The following SLC38A1 variants were observed in gnomAD, a reference collection of about 807,000 sequenced individuals.
SLC38A1 encodes sodium-coupled neutral amino acid symporter 1.
In SLC38A1, 18 loss-of-function variants were observed where a neutral mutation model predicts 60.3. The ratio of observed to expected loss-of-function variants is 0.30; its 90% CI spans 0.21 to 0.44. The LOEUF is 0.44. Ranked by LOEUF, SLC38A1 falls within the 20% of genes least tolerant of loss-of-function variation. SLC38A1 has a pLI of 1.00. For missense variants in SLC38A1, 448 were observed against 587.2 expected (o/e 0.76, Z 2.45); for synonymous variants, 196 against 212.1 (o/e 0.92, Z 0.66).
At chr12:46,250,864 C>T (rs1002549492) in intron 1 of SLC38A1, among the ~76,000 whole-genome samples, 26 of 152,236 alleles carry the variant, frequency 1.7e-4, no homozygotes, top group African/African-American at 5.8e-4. Context: ...AATGGACTAA[C>T]ATTCCATGCT....
At chr12:46,254,494 T>TG (rs1295896035) in intron 1 of SLC38A1, among the ~76,000 whole-genome samples, 1 of 152,234 alleles carries the variant, frequency 6.6e-6, no homozygotes, top group Non-Finnish European at 1.5e-5. Context: ...TTCGCTTTGA[T>TG]GGAACTCTGC....
At chr12:46,193,038 A>G (rs2136879839) in intron 16 of SLC38A1, among the ~76,000 whole-genome samples, 1 of 152,254 alleles carries the variant, frequency 6.6e-6, no homozygotes, top group South Asian at 2.1e-4. Context: ...TGTCGATTTT[A>G]GATCTTCCTT....
rs1398642132 is a variant in SLC38A1 at position 46,207,143 on chromosome 12, T to G, written c.563+12A>C. ...TTTTAGTTATATCATAAAAAAATGG[T>G]CTATAACTTACGAAAATGTCTCTTC... On this transcript the variant is annotated intron_variant, in intron 8 of 16. Transcript: ENST00000398637. 2 of 1,572,314 alleles carry G rather than the reference T, an allele frequency of 1.3e-6. No homozygotes were observed. Among genetic ancestry groups the G allele is most frequent in the East Asian group, 4.5e-5 (2 of 44,554 alleles).
In SLC38A1 at chr12:46,229,606, ACTT is replaced by A. The variant is rs780975669; in HGVS notation, c.153_155del (p.Arg51del). ...TTTTTTCCAAATGGCTGTTTGTGAG[ACTT>A]CTTCTACTTTCACGATCAGAAATAA... On this transcript the variant is annotated inframe_deletion, in exon 4 of 17. Transcript: ENST00000398637. The A allele has an allele frequency of 2.7e-5, 44 of 1,613,662 alleles. No homozygotes were observed. Among genetic ancestry groups the A allele is most frequent in the Non-Finnish European group, 3.4e-5 (40 of 1,179,790 alleles).
intron 5 of SLC38A1, among the ~76,000 whole-genome samples, chr12:46,224,891 A>G (rs1216325343): frequency 1.3e-5 from 2 of 152,202 alleles, no homozygotes; most frequent in East Asian, 1.9e-4. Context: ...TCCTTCAACT[A>G]CAAAAGTAAA....
intron 4 of SLC38A1, 103 bp downstream of exon 4, chr12:46,229,461 T>C (rs1302175217): frequency 4.3e-6 from 4 of 926,086 alleles, no homozygotes; most frequent in Admixed American, 1.8e-5. Flanking sequence ...TCCTGGTGAA[T>C]ACAGGTAGTT....
chr12:46,229,068 A>G, intron 5 of SLC38A1, 85 bp downstream of exon 5: 5 of 727,270 alleles, frequency 6.9e-6, no homozygotes, highest in Non-Finnish European at 1.1e-5. Flanking sequence ...CTATTTATAA[A>G]TATTTCACAT....
chr12:46,257,680 A>G (rs1942075400), intron 1 of SLC38A1, among the ~76,000 whole-genome samples: 1 of 151,930 alleles, frequency 6.6e-6, no homozygotes, highest in African/African-American at 2.4e-5. Flanking sequence ...GGCCAGAAAG[A>G]TGTCACAGGA....
chr12:46,253,389 G>A (rs967295837), intron 1 of SLC38A1, among the ~76,000 whole-genome samples: 1 of 152,200 alleles, frequency 6.6e-6, no homozygotes, highest in Non-Finnish European at 1.5e-5. Context: ...CATTTTTATG[G>A]TTATTTGTTG....
intron 5 of SLC38A1, among the ~76,000 whole-genome samples, chr12:46,213,323 CT>C (rs1048146058): frequency 1.1e-4 from 17 of 152,160 alleles, no homozygotes; most frequent in South Asian, 2.1e-4. Flanking sequence ...ATCTTGTGTA[CT>C]TTTTTTGTCT....
At chr12:46,203,921 C>T (rs534961872) in intron 11 of SLC38A1, among the ~76,000 whole-genome samples, 27 of 152,206 alleles carry the variant, frequency 1.8e-4, no homozygotes, top group Admixed American at 6.5e-4. Context: ...TTTTTAAGTG[C>T]CAGTTTGTGG....
At chr12:46,247,767 G>T (rs1240105859) in intron 1 of SLC38A1, among the ~76,000 whole-genome samples, 1 of 152,204 alleles carries the variant, frequency 6.6e-6, no homozygotes, top group Non-Finnish European at 1.5e-5. Flanking sequence ...AGGCAAAAAT[G>T]TTAAGGGCAG....
At chr12:46,263,135 C>CAA (rs1555193232) in intron 1 of SLC38A1, among the ~76,000 whole-genome samples, 2 of 152,184 alleles carry the variant, frequency 1.3e-5, no homozygotes, top group Admixed American at 1.3e-4. Context: ...ACTACACACA[C>CAA]AACAGTCTCT....
intron 13 of SLC38A1, 122 bp from the exon 14 acceptor site, chr12:46,198,865 T>C: frequency 3.0e-6 from 2 of 664,466 alleles, no homozygotes; most frequent in Non-Finnish European, 5.3e-6. Context: ...TTTCGAAATG[T>C]CTATTAAAAC....
chr12:46,207,721 A>G (rs1413875756), intron 6 of SLC38A1, 100 bp from the exon 7 acceptor site: 3 of 1,147,596 alleles, frequency 2.6e-6, no homozygotes, highest in Non-Finnish European at 3.9e-6. Flanking sequence ...CCAAGTTACT[A>G]TGTGCCTTTC....
chr12:46,261,065 C>T (rs1942181561), intron 1 of SLC38A1, among the ~76,000 whole-genome samples: 1 of 152,176 alleles, frequency 6.6e-6, no homozygotes, highest in South Asian at 2.1e-4. Flanking sequence ...TACTCTTATG[C>T]AGTTTTCTGC....
intron 1 of SLC38A1, among the ~76,000 whole-genome samples, chr12:46,265,827 C>G (rs1942332685): frequency 1.3e-5 from 2 of 152,154 alleles, no homozygotes; most frequent in African/African-American, 4.8e-5. Flanking sequence ...ATATGTTGTG[C>G]TTGCATTTTT....
At chr12:46,267,065 G>A (rs1479553328) in intron 1 of SLC38A1, among the ~76,000 whole-genome samples, 1 of 152,166 alleles carries the variant, frequency 6.6e-6, no homozygotes, top group South Asian at 2.1e-4. Flanking sequence ...GAAAAAGCAC[G>A]AGTTGCTGCA....
At chr12:46,238,831 G>A (rs758241198) in intron 3 of SLC38A1, among the ~76,000 whole-genome samples, 14 of 152,118 alleles carry the variant, frequency 9.2e-5, no homozygotes, top group South Asian at 2.1e-4. Context: ...AGTTGTGGTC[G>A]CTTTCCTTCT....
Sources: allele counts gnomAD v4.1 joint callset (sites outside exome capture counted in the v4.1 genomes callset), GRCh38; gene constraint gnomAD v4.1.1; transcripts MANE v1.5; gene names NCBI Gene and HGNC (gene_info 2026-07-23, HGNC 2026-07-21).